MOSPD2: variants seen among roughly 807,000 people sequenced by gnomAD.
MOSPD2 encodes motile sperm domain containing 2.
MOSPD2 carries 5 observed loss-of-function variants against 41.7 expected under a neutral mutation model. The ratio of observed to expected loss-of-function variants is 0.12; its 90% CI spans 0.06 to 0.25. The LOEUF (loss-of-function observed/expected upper bound fraction) is 0.25, where lower values mean the gene tolerates loss of function less well. MOSPD2 is among the 10% of genes least tolerant of loss of function. MOSPD2 has a pLI of 1.00. For synonymous variants in MOSPD2, 115 were observed against 126.9 expected (o/e 0.91, Z 0.63); for missense variants, 282 against 375.2 (o/e 0.75, Z 2.05).
At chrX:14,899,327 A>C (rs1433270620) in intron 5 of MOSPD2, among the ~76,000 whole-genome samples, 11 of 108,644 alleles carry the variant, frequency 1.0e-4, no homozygotes, top group Non-Finnish European at 1.9e-4. Flanking sequence ...AATTAAATAA[A>C]TGATAGAAAC....
chrX:14,920,885 A>G lies in MOSPD2; in HGVS notation c.*1076A>G. 3 of 753,851 alleles carry G rather than the reference A, an allele frequency of 4.0e-6. No homozygotes were observed. The highest frequency in any genetic ancestry group is 4.7e-6 in the Non-Finnish European group (3 of 639,123). 62.1% of individuals were successfully genotyped at this position (753,851 alleles called of 1,213,427 possible). The stretch of plus-strand genomic sequence containing the variant: ...TCTAGAAGGGTGAAAACAAAAAAAA[A>G]TAAAAAGAAACACAGACGCCCAGGT... On this transcript the variant is annotated 3_prime_UTR_variant, in exon 15 of 15. Transcript: ENST00000380492.
intron 13 of MOSPD2, among the ~76,000 whole-genome samples, chrX:14,918,137 A>G (rs1332874703): frequency 1.8e-5 from 2 of 112,445 alleles, no homozygotes; most frequent in Non-Finnish European, 3.8e-5. Flanking sequence ...AAACGCTGGT[A>G]TAAAAGGTGT....
At chrX:14,919,620 A>G in intron 14 of MOSPD2, 52 bp from the exon 15 acceptor site, 3 of 961,520 alleles carry the variant, frequency 3.1e-6, no homozygotes, top group Non-Finnish European at 1.5e-6. Context: ...CATGCCCATG[A>G]TTAATGGCTG....
chrX:14,920,529 C>T lies in MOSPD2; in HGVS notation c.*720C>T, dbSNP rs1185421371. 4.0e-6 allele frequency: 3 copies of T among 751,784 alleles called. No individual in the cohort carries two copies. Among genetic ancestry groups the T allele is most frequent in the Non-Finnish European group, 3.1e-6 (2 of 638,565 alleles). The allele number at this position is 751,784 out of a possible 1,213,427, so 62.0% of individuals were successfully genotyped here. ...TTCTTTGAATTCTGTTAGTAATGCC[C>T]AAAAGAAAAGTCTCAAGCAGTCCCC... On this transcript the variant is annotated 3_prime_UTR_variant, in exon 15 of 15. Coordinates refer to ENST00000380492, the MANE Select transcript of MOSPD2 (RefSeq NM_152581.4).
intron 2 of MOSPD2, among the ~76,000 whole-genome samples, chrX:14,878,525 T>C (rs892426711): frequency 8.9e-6 from 1 of 112,254 alleles, no homozygotes; most frequent in East Asian, 2.8e-4. Context: ...TTTTCTTGTT[T>C]ATGTCACTTT....
chrX:14,913,151 G>A (rs1244300413), intron 10 of MOSPD2, among the ~76,000 whole-genome samples: 2 of 111,913 alleles, frequency 1.8e-5, no homozygotes, highest in East Asian at 2.8e-4. Context: ...ACATAGATGC[G>A]CATGCATTTT....
intron 2 of MOSPD2, among the ~76,000 whole-genome samples, chrX:14,878,619 C>G (rs889198140): frequency 9.0e-6 from 1 of 111,362 alleles, no homozygotes; most frequent in African/African-American, 3.3e-5. Flanking sequence ...TAGGTTGGTG[C>G]GAAAGTAATT....
At chrX:14,874,506 A>T (rs1281725897) in intron 2 of MOSPD2, 1 of 112,115 alleles carries the variant, frequency 8.9e-6, no homozygotes, top group Non-Finnish European at 1.9e-5. Flanking sequence ...TTACTTGTCT[A>T]TTCTGAGCCC....
intron 5 of MOSPD2, among the ~76,000 whole-genome samples, 163 bp from the exon 6 acceptor site, chrX:14,900,412 C>A (rs1213142034): frequency 9.0e-6 from 1 of 111,648 alleles, no homozygotes; most frequent in East Asian, 2.8e-4. Context: ...AGCTTAATGA[C>A]CTAAAACCTT....
At chrX:14,901,408 G>A (rs1160965212) in intron 6 of MOSPD2, among the ~76,000 whole-genome samples, 1 of 111,437 alleles carries the variant, frequency 9.0e-6, no homozygotes, top group Admixed American at 9.6e-5. Flanking sequence ...CTAGAAAACA[G>A]CAAATTGGGT....
Position 14,908,983 on chromosome X carries a change from C to A in MOSPD2, c.701C>A (p.Thr234Asn), listed in dbSNP as rs370427075. The change falls in exon 8 of 15, where the codon ACT (threonine) becomes AAT (asparagine). Residue 234 changes from threonine (T) to asparagine (N), a missense_variant and splice_region_variant. This residue lies in a region of MOSPD2 where 187 missense variants were observed against 256.6 expected (regional missense o/e 0.73). Coordinates refer to ENST00000380492, the MANE Select transcript of MOSPD2 (RefSeq NM_152581.4). ...VEYLPPHMGG[T>N]DPFKYSYPPL... ...TACCTGCCTCCCCACATGGGTGGAA[C>A]TGTAAGTATTTGAAACTTGTTTATA... The A allele has an allele frequency of 1.3e-5, 15 of 1,141,051 alleles. 1 individual carries two copies. Among genetic ancestry groups the A allele is most frequent in the African/African-American group, 7.1e-5 (4 of 56,253 alleles). The allele number at this position is 1,141,051 out of a possible 1,213,427, so 94.0% of individuals were successfully genotyped here.
chrX:14,873,852 G>A (rs1429943550), intron 2 of MOSPD2, 94 bp downstream of exon 2: 8 of 734,292 alleles, frequency 1.1e-5, no homozygotes, highest in Non-Finnish European at 1.7e-5. Flanking sequence ...GAGGTGTTAG[G>A]GACCCTTTCG....
chrX:14,885,808 T>C (rs1462471574), intron 2 of MOSPD2, among the ~76,000 whole-genome samples: 1 of 111,834 alleles, frequency 8.9e-6, no homozygotes, highest in African/African-American at 3.2e-5. Flanking sequence ...TTGTTAATTT[T>C]GGGTTACAGC....
At chrX:14,891,487 C>T (rs1004893454) in intron 2 of MOSPD2, among the ~76,000 whole-genome samples, 21 of 108,359 alleles carry the variant, frequency 1.9e-4, no homozygotes, top group African/African-American at 6.6e-4. Context: ...AGTTTTCCAT[C>T]GGTACTTAGT....
chrX:14,885,686 ATC>A (rs1330809966), intron 2 of MOSPD2, among the ~76,000 whole-genome samples: 1 of 111,101 alleles, frequency 9.0e-6, no homozygotes, highest in Non-Finnish European at 1.9e-5. Flanking sequence ...AAACTGCCTA[ATC>A]TAGCAAAGAA....
At chrX:14,915,785 C>A in intron 12 of MOSPD2, 21 bp downstream of exon 12, 1 of 1,151,451 alleles carries the variant, frequency 8.7e-7, no homozygotes, top group Non-Finnish European at 1.2e-6. Flanking sequence ...ACTTAGTAGC[C>A]ACAGCAGGTG....
rs148724321 is a variant in MOSPD2, at chrX:14,913,104, C to T, written c.992+743C>T. 1.8e-4 allele frequency among the ~76,000 whole-genome samples: 20 copies of T among 111,935 alleles called. No individual in the cohort carries two copies. The East Asian group carries it at 5.6e-3, about 31-fold the overall frequency. On this transcript the variant is annotated intron_variant, in intron 10 of 14. Transcript: ENST00000380492. ...TTACTGTTATATTTGGATTTATCTC[C>T]GCCATCTATATGTATGAAAGACAGC...
intron 14 of MOSPD2, among the ~76,000 whole-genome samples, chrX:14,919,383 T>A (rs1280406125): frequency 9.0e-6 from 1 of 111,545 alleles, no homozygotes; most frequent in East Asian, 2.8e-4. Context: ...ACAGAGGGGC[T>A]CTCTGAGTAG....
intron 2 of MOSPD2, among the ~76,000 whole-genome samples, chrX:14,892,275 A>C (rs1287544812): frequency 8.9e-6 from 1 of 112,015 alleles, no homozygotes; most frequent in African/African-American, 3.3e-5. Flanking sequence ...TCAGGACCTC[A>C]GGAAGATTCC....
Sources: gnomAD v4.1 joint callset for allele counts (sites outside exome capture counted in the v4.1 genomes callset) on GRCh38, gnomAD v4.1.1 for gene constraint, gnomAD v4.1.1 regional missense constraint, MANE v1.5 for transcripts, NCBI Gene and HGNC (gene_info 2026-07-23, HGNC 2026-07-21) for gene names.